PITRM1: variants seen among roughly 807,000 people sequenced by gnomAD.
PITRM1 encodes the protein pitrilysin metallopeptidase 1, also known as presequence protease, mitochondrial.
Under a neutral mutation model 129.9 loss-of-function variants are expected in PITRM1, and 100 were observed. The ratio of observed to expected loss-of-function variants is 0.77; its 90% CI spans 0.65 to 0.91. PITRM1 has a LOEUF of 0.91. Among genes scored for constraint, PITRM1 ranks in the 40% least tolerant of loss-of-function variants. The probability of loss-of-function intolerance (pLI) is 0.00; values close to 1 mark genes in which losing one functional copy is unlikely to be tolerated. For synonymous variants in PITRM1, 591 were observed against 508.8 expected (o/e 1.16, Z -2.17); for missense variants, 1,471 against 1,318.3 (o/e 1.12, Z -1.79).
chr10:3,156,475 G>A (rs1437340706), intron 13 of PITRM1, among the ~76,000 whole-genome samples: 4 of 152,242 alleles, frequency 2.6e-5, no homozygotes, highest in East Asian at 1.9e-4. Flanking sequence ...CTCCCACCAC[G>A]GGAACCCTTT....
chr10:3,163,663 T>C, intron 7 of PITRM1, 62 bp downstream of exon 7: 8 of 1,395,118 alleles, frequency 5.7e-6, no homozygotes, highest in Non-Finnish European at 7.9e-6. Flanking sequence ...CATAAACTGT[T>C]AAGAACACAA....
chr10:3,141,262 C>T (rs1840168509), intron 23 of PITRM1, among the ~76,000 whole-genome samples: 1 of 146,820 alleles, frequency 6.8e-6, no homozygotes, highest in Admixed American at 6.8e-5. Context: ...CAAGGAAGCA[C>T]AATTTTCAAA....
At chr10:3,159,971 T>C (rs764752699) in intron 8 of PITRM1, 35 bp from the exon 9 acceptor site, 3 of 1,455,196 alleles carry the variant, frequency 2.1e-6, no homozygotes, top group Admixed American at 1.9e-5. Flanking sequence ...GTAGGCACAG[T>C]GTCTGACGGT....
chr10:3,138,899 A>C lies in PITRM1; in HGVS notation c.2917+5T>G, dbSNP rs1839895413. ...TTGAGATTCTCACTGTTATACTCAA[A>C]ATACCTTTGTCTGAAGGAGCGACAG... On this transcript the variant is annotated splice_donor_5th_base_variant and intron_variant, in intron 25 of 26. Transcript: ENST00000224949. 1.2e-6 allele frequency: 2 copies of C among 1,613,806 alleles called. No individual in the cohort carries two copies. Among genetic ancestry groups the C allele is most frequent in the African/African-American group, 2.7e-5 (2 of 75,058 alleles).
At chr10:3,151,045 C>T in intron 15 of PITRM1, 1 of 546,100 alleles carries the variant, frequency 1.8e-6, no homozygotes, top group Non-Finnish European at 3.3e-6. Context: ...CACACGGGCT[C>T]TTACTGAGTG....
intron 21 of PITRM1, chr10:3,144,837 G>C (rs1564393422): frequency 6.5e-6 from 1 of 152,872 alleles, no homozygotes; most frequent in Non-Finnish European, 1.5e-5. Flanking sequence ...GAAATAAAGT[G>C]AGTAAAAGAA....
chr10:3,170,068 G>C, intron 2 of PITRM1, 36 bp downstream of exon 2: 1 of 1,472,064 alleles, frequency 6.8e-7, no homozygotes, highest in Non-Finnish European at 9.5e-7. Flanking sequence ...TGCAATGTAT[G>C]TGGATTTATA....
At chr10:3,151,903 T>C (rs1841555212) in intron 14 of PITRM1, among the ~76,000 whole-genome samples, 1 of 151,836 alleles carries the variant, frequency 6.6e-6, no homozygotes, top group South Asian at 2.1e-4. Flanking sequence ...ACCTGGCTGA[T>C]TTCTGTTTAT....
intron 14 of PITRM1, among the ~76,000 whole-genome samples, chr10:3,153,596 G>C (rs758285036): frequency 6.6e-6 from 1 of 151,618 alleles, no homozygotes; most frequent in Non-Finnish European, 1.5e-5. Context: ...TCCAGCCTGG[G>C]TGACAAGGCG....
chr10:3,168,623 G>A (rs1395087674), intron 2 of PITRM1, among the ~76,000 whole-genome samples: 4 of 147,082 alleles, frequency 2.7e-5, no homozygotes, highest in Non-Finnish European at 4.4e-5. Flanking sequence ...CAGTGAGCAC[G>A]TTCTCATGAG....
At chr10:3,167,341 T>C (rs546943095) in intron 2 of PITRM1, among the ~76,000 whole-genome samples, 33 of 152,382 alleles carry the variant, frequency 2.2e-4, no homozygotes, top group African/African-American at 7.7e-4. Flanking sequence ...CTAGGTATTT[T>C]AGATTTTTTT....
chr10:3,144,179 A>G (rs1433025759), intron 22 of PITRM1, 113 bp downstream of exon 22: 1 of 663,078 alleles, frequency 1.5e-6, no homozygotes, highest in African/African-American at 1.8e-5. Flanking sequence ...AACTCTAGGG[A>G]CACGCCAGCC....
chr10:3,162,353 TGAA>T (rs890777103), intron 7 of PITRM1, among the ~76,000 whole-genome samples: 69 of 152,054 alleles, frequency 4.5e-4, no homozygotes, highest in African/African-American at 1.6e-3. Flanking sequence ...AGCAAACAAA[TGAA>T]GAAGTTACAG....
intron 26 of PITRM1, 27 bp from the exon 27 acceptor site, chr10:3,138,151 A>G (rs2388559): frequency 0.42 from 670,743 of 1,580,450 alleles, 144,649 homozygotes; most frequent in African/African-American, 0.62. Flanking sequence ...CGTGGTCAGC[A>G]AGGACTGGCT....
chr10:3,151,425 G>A (rs2132422344), intron 14 of PITRM1, 62 bp from the exon 15 acceptor site: 1 of 953,472 alleles, frequency 1.0e-6, no homozygotes, highest in East Asian at 2.6e-5. Context: ...GATGCAACTT[G>A]TCTCCTATGT....
At chr10:3,138,404 A>C (rs1231074182) in intron 25 of PITRM1, 67 bp from the exon 26 acceptor site, 4 of 1,055,002 alleles carry the variant, frequency 3.8e-6, no homozygotes, top group Middle Eastern at 2.3e-4. Context: ...CTGTGCACTC[A>C]TGTCCCGGAG....
chr10:3,165,645 G>A (rs1370252200), intron 4 of PITRM1, 118 bp from the exon 5 acceptor site: 2 of 675,936 alleles, frequency 3.0e-6, no homozygotes, highest in East Asian at 2.7e-5. Context: ...TTCTTGGGAT[G>A]GGGCAGTGGC....
chr10:3,169,386 G>A (rs1843151271), intron 2 of PITRM1, among the ~76,000 whole-genome samples: 1 of 152,172 alleles, frequency 6.6e-6, no homozygotes, highest in African/African-American at 2.4e-5. Flanking sequence ...AGCAGCAGCA[G>A]CTCCCACTCC....
Position 3,160,316 on chromosome 10 carries a change from C to A in PITRM1, c.806G>T (p.Gly269Val). Residue 269 changes from glycine (G) to valine (V), a missense_variant, in exon 8 of 27, where the codon GGT becomes GTT. Transcript: ENST00000224949. ...HPSNARFFTY[G>V]NFPLEQHLKQ... ...CAGATGCTGTTCTAATGGAAAATTA[C>A]CGTACGTGAAGAACCTAAAATTTTA... 6.2e-7 allele frequency: 1 copy of A among 1,612,050 alleles called. No individual in the cohort carries two copies.
Sources: allele counts gnomAD v4.1 joint callset (sites outside exome capture counted in the v4.1 genomes callset), GRCh38; gene constraint gnomAD v4.1.1; transcripts MANE v1.5; gene names NCBI Gene and HGNC (gene_info 2026-07-23, HGNC 2026-07-21).